GALNT17: variants seen among roughly 807,000 people sequenced by gnomAD.
GALNT17 encodes UDP-GalNAc:polypeptide N-acetylgalactosaminyltransferase-like 3.
Under a neutral mutation model 63.7 loss-of-function variants are expected in GALNT17, and 29 were observed. The ratio of observed to expected loss-of-function variants is 0.46; its 90% CI spans 0.34 to 0.62. The LOEUF (loss-of-function observed/expected upper bound fraction) is 0.62, where lower values mean the gene tolerates loss of function less well. Among genes scored for constraint, GALNT17 ranks in the 20% least tolerant of loss-of-function variants. GALNT17 has a pLI of 0.01. For missense variants in GALNT17, 603 were observed against 799.6 expected (o/e 0.75, Z 2.97); for synonymous variants, 305 against 318.3 (o/e 0.96, Z 0.45).
Position 71,315,837 on chromosome 7 carries a change from C to T in GALNT17, c.239-19713C>T, listed in dbSNP as rs368789437. The stretch of plus-strand genomic sequence containing the variant: ...CCACAGACTCTGACCATCAAGGGCA[C>T]TTTCTCAGAGGTGGAGGATAACTGG... On this transcript the variant is annotated intron_variant, in intron 1 of 10. Transcript: ENST00000333538. Among the ~76,000 whole-genome samples the T allele has an allele frequency of 2.6e-5, 4 of 152,188 alleles. No individual in the cohort carries two copies. In the East Asian group the frequency reaches 7.8e-4, roughly 30 times the overall value.
chr7:71,315,784 T>TA lies in GALNT17; in HGVS notation c.239-19765dup, dbSNP rs1354158583. On this transcript the variant is annotated intron_variant, in intron 1 of 10. Transcript: ENST00000333538. ...GGCAGGTGCAGAGTGCTGTGAAACA[T>TA]AGAGTCTGTGTTCTTCATAGACTGT... Among the ~76,000 whole-genome samples the TA allele has an allele frequency of 3.3e-5, 5 of 152,108 alleles. No individual in the cohort carries two copies. The East Asian group carries it at 7.7e-4, about 24-fold the overall frequency.
chr7:71,518,888 C>T (rs1378248635), intron 5 of GALNT17, among the ~76,000 whole-genome samples: 4 of 152,150 alleles, frequency 2.6e-5, no homozygotes. Context: ...ATTAATTTCT[C>T]CCTTCTCACA....
At chr7:71,330,696 T>G (rs921063445) in intron 1 of GALNT17, among the ~76,000 whole-genome samples, 1 of 152,144 alleles carries the variant, frequency 6.6e-6, no homozygotes, top group Admixed American at 6.6e-5. Context: ...GCCTCTGCAC[T>G]TGGCCTGCTT....
At chr7:71,141,124 T>A (rs911171282) in intron 1 of GALNT17, among the ~76,000 whole-genome samples, 1 of 151,926 alleles carries the variant, frequency 6.6e-6, no homozygotes, top group Admixed American at 6.6e-5. Context: ...ATCCCAGCAC[T>A]TTGGGAGGCC....
At chr7:71,639,799 T>G (rs966995531) in intron 6 of GALNT17, among the ~76,000 whole-genome samples, 4 of 152,200 alleles carry the variant, frequency 2.6e-5, no homozygotes, top group Non-Finnish European at 1.5e-5. Context: ...ACTTGGAGAT[T>G]TCCATTATTG....
intron 6 of GALNT17, among the ~76,000 whole-genome samples, chr7:71,662,420 C>G (rs79497622): frequency 0.037 from 5,661 of 152,058 alleles, 311 homozygotes; most frequent in African/African-American, 0.12. Flanking sequence ...ATAATTCGTC[C>G]ATTTAAAATG....
intron 1 of GALNT17, among the ~76,000 whole-genome samples, chr7:71,171,671 G>A (rs973015787): frequency 1.3e-5 from 2 of 152,192 alleles, no homozygotes; most frequent in African/African-American, 4.8e-5. Flanking sequence ...ATGTTGCCAA[G>A]GATAACTAGG....
At chr7:71,187,979 G>C (rs760088348) in intron 1 of GALNT17, among the ~76,000 whole-genome samples, 29 of 152,210 alleles carry the variant, frequency 1.9e-4, no homozygotes, top group Non-Finnish European at 4.1e-4. Flanking sequence ...ACAATGTTTG[G>C]TTTTTCCATT....
At chr7:71,353,953 C>A (rs967862546) in intron 2 of GALNT17, among the ~76,000 whole-genome samples, 2 of 152,082 alleles carry the variant, frequency 1.3e-5, no homozygotes, top group East Asian at 1.9e-4. Flanking sequence ...AGGAAACTTA[C>A]AATTGTGGCG....
At chr7:71,474,566 A>G (rs1473179607) in intron 5 of GALNT17, among the ~76,000 whole-genome samples, 1 of 152,226 alleles carries the variant, frequency 6.6e-6, no homozygotes, top group Non-Finnish European at 1.5e-5. Context: ...AACATATTTT[A>G]TTCAACTTAT....
chr7:71,455,935 T>C (rs573603349), intron 5 of GALNT17, among the ~76,000 whole-genome samples: 37 of 152,262 alleles, frequency 2.4e-4, no homozygotes, highest in African/African-American at 8.7e-4. Flanking sequence ...CACCTACCCC[T>C]CAGAGCTCCT....
chr7:71,560,536 G>A (rs1789239196), intron 5 of GALNT17, among the ~76,000 whole-genome samples: 1 of 152,220 alleles, frequency 6.6e-6, no homozygotes, highest in Non-Finnish European at 1.5e-5. Flanking sequence ...ATGATGGAGA[G>A]GGGAGAGGGT....
At chr7:71,369,270 G>T (rs958092431) in intron 2 of GALNT17, among the ~76,000 whole-genome samples, 2 of 152,126 alleles carry the variant, frequency 1.3e-5, no homozygotes, top group Non-Finnish European at 2.9e-5. Flanking sequence ...AAAGATTAGT[G>T]GTCCCTGACC....
chr7:71,219,163 T>G (rs1789538029), intron 1 of GALNT17, among the ~76,000 whole-genome samples: 1 of 152,114 alleles, frequency 6.6e-6, no homozygotes, highest in Admixed American at 6.5e-5. Flanking sequence ...TTGCTTTCAT[T>G]TTACAAATTA....
In GALNT17 at chr7:71,401,130, C is replaced by T. The variant is rs114636468; in HGVS notation, c.589+12729C>T. 3.4e-3 allele frequency among the ~76,000 whole-genome samples: 483 copies of T among 141,808 alleles called. 5 individuals are homozygous for T. Among genetic ancestry groups the T allele is most frequent in the African/African-American group, 0.013 (469 of 37,210 alleles). 93.0% of individuals were successfully genotyped at this position (141,808 alleles called of 152,430 possible). A position where few individuals can be genotyped will look rare whatever the true frequency, so the allele number is the denominator to read the frequency against. On this transcript the variant is annotated intron_variant, in intron 3 of 10. Transcript: ENST00000333538. ...TTTTTTTCTGAGACAGGTTCTTGCT[C>T]TGTTGCCTTAGCTGGAGTGCAGTGG...
At chr7:71,264,960 A>G (rs990736252) in intron 1 of GALNT17, among the ~76,000 whole-genome samples, 2 of 151,350 alleles carry the variant, frequency 1.3e-5, no homozygotes, top group Admixed American at 1.3e-4. Flanking sequence ...GTAGATTTCC[A>G]GATAACTAGA....
intron 5 of GALNT17, among the ~76,000 whole-genome samples, chr7:71,494,154 G>C (rs1031992350): frequency 2.0e-5 from 3 of 152,094 alleles, no homozygotes; most frequent in African/African-American, 7.2e-5. Flanking sequence ...GGACTTCTCA[G>C]ATGGTGGGAG....
intron 5 of GALNT17, among the ~76,000 whole-genome samples, chr7:71,486,390 G>A (rs983067259): frequency 7.1e-6 from 1 of 140,024 alleles, no homozygotes; most frequent in African/African-American, 2.7e-5. Flanking sequence ...AATAATAATA[G>A]TAAATAATAT....
At chr7:71,259,328 C>T (rs574818807) in intron 1 of GALNT17, among the ~76,000 whole-genome samples, 2 of 152,298 alleles carry the variant, frequency 1.3e-5, no homozygotes, top group South Asian at 2.1e-4. Context: ...GTTTCATGCA[C>T]GTGTGCCTTG....
Sources: allele counts gnomAD v4.1 joint callset (sites outside exome capture counted in the v4.1 genomes callset), GRCh38; gene constraint gnomAD v4.1.1; transcripts MANE v1.5; gene names NCBI Gene and HGNC (gene_info 2026-07-23, HGNC 2026-07-21).